Variants in SESN1 observed in about 807,000 individuals in gnomAD.
The protein encoded by SESN1 is sestrin-1.
In SESN1, 30 loss-of-function variants were observed where a neutral mutation model predicts 59.3. That is an observed-to-expected ratio of 0.51 (90% confidence interval 0.38 to 0.69). SESN1 has a LOEUF of 0.69. Ranked by LOEUF, SESN1 falls within the 30% of genes least tolerant of loss-of-function variation. SESN1 has a pLI of 0.00. For missense variants in SESN1, 566 were observed against 673.0 expected (o/e 0.84, Z 1.76); for synonymous variants, 197 against 219.9 (o/e 0.90, Z 0.92).
intron 1 of SESN1, among the ~76,000 whole-genome samples, chr6:109,040,724 C>G (rs1780326177): frequency 6.6e-6 from 1 of 150,882 alleles, no homozygotes; most frequent in African/African-American, 2.4e-5. Flanking sequence ...GCAATCTCAT[C>G]TCACTGCAAG....
At chr6:109,041,743 A>G (rs1367419083) in intron 1 of SESN1, among the ~76,000 whole-genome samples, 3 of 152,166 alleles carry the variant, frequency 2.0e-5, no homozygotes, top group Non-Finnish European at 4.4e-5. Context: ...ACAAATCCAT[A>G]ATTATAGCAG....
intron 1 of SESN1, among the ~76,000 whole-genome samples, chr6:109,008,485 CTTCAT>C (rs1290245481): frequency 5.3e-5 from 8 of 152,170 alleles, no homozygotes; most frequent in Non-Finnish European, 8.8e-5. Context: ...GACAAAGTGT[CTTCAT>C]TTAAGTTTCT....
chr6:109,061,004 T>C (rs1435297596), intron 1 of SESN1, among the ~76,000 whole-genome samples: 2 of 152,222 alleles, frequency 1.3e-5, no homozygotes, highest in Admixed American at 1.3e-4. Context: ...TACATGTATA[T>C]GAACCCTGAT....
intron 1 of SESN1, among the ~76,000 whole-genome samples, chr6:109,083,070 C>T (rs1313389024): frequency 6.6e-6 from 1 of 152,126 alleles, no homozygotes; most frequent in East Asian, 1.9e-4. Flanking sequence ...AGTTTATTCA[C>T]AGTTAAATTT....
rs112376627 is a variant in SESN1, at chr6:108,995,674, G to T, written c.973-1065C>A. ...CTCATGCCTGTAATCCCAGCATTTT[G>T]GGAGACCAAGGCAGGAGAATCACTT... On this transcript the variant is annotated intron_variant, in intron 5 of 9. Transcript: ENST00000436639. Among the ~76,000 whole-genome samples the T allele has an allele frequency of 4.4e-3, 672 of 152,236 alleles. 7 individuals carry two copies. The highest frequency in any genetic ancestry group is 0.015 in the African/African-American group (628 of 41,526).
chr6:109,071,397 T>C (rs115826745), intron 1 of SESN1, among the ~76,000 whole-genome samples: 2,428 of 151,448 alleles, frequency 0.016, 79 homozygotes, highest in African/African-American at 0.056. Context: ...ACAGGCACAA[T>C]GCTAAGTACC....
At chr6:109,026,322 C>T (rs1233553506) in intron 1 of SESN1, among the ~76,000 whole-genome samples, 1 of 152,020 alleles carries the variant, frequency 6.6e-6, no homozygotes, top group African/African-American at 2.4e-5. Context: ...GTGAAAAAGA[C>T]CAAAGAACAG....
intron 1 of SESN1, among the ~76,000 whole-genome samples, chr6:109,048,637 C>G (rs926974461): frequency 5.1e-4 from 78 of 152,238 alleles, no homozygotes; most frequent in African/African-American, 1.9e-3. Flanking sequence ...TAGATGGCCA[C>G]AAGTAGGAGA....
intron 1 of SESN1, among the ~76,000 whole-genome samples, chr6:109,006,566 G>A (rs1036056247): frequency 1.3e-5 from 2 of 151,862 alleles, no homozygotes; most frequent in Admixed American, 6.6e-5. Context: ...TGGTGGAGAC[G>A]GGGGCTGAAT....
At chr6:109,025,782 A>G (rs1439096271) in intron 1 of SESN1, among the ~76,000 whole-genome samples, 1 of 152,242 alleles carries the variant, frequency 6.6e-6, no homozygotes, top group East Asian at 1.9e-4. Flanking sequence ...TAGCACATAC[A>G]GCAAAGAAAT....
At chr6:109,035,213 C>G (rs1020460248) in intron 1 of SESN1, among the ~76,000 whole-genome samples, 10 of 152,088 alleles carry the variant, frequency 6.6e-5, no homozygotes, top group African/African-American at 2.4e-4. Context: ...CAAAAAAGAA[C>G]TGACCCCAAA....
chr6:109,000,494 A>T lies in SESN1; in HGVS notation c.726T>A (p.Ile242=), dbSNP rs1779592956. The T allele has an allele frequency of 6.4e-7, 1 of 1,561,976 alleles. No homozygotes were observed. Among genetic ancestry groups the T allele is most frequent in the Non-Finnish European group, 8.7e-7 (1 of 1,153,038 alleles). Residue 242 remains isoleucine (I), a synonymous_variant, in exon 4 of 10, where the codon ATT becomes ATA. Coordinates refer to ENST00000436639, the MANE Select transcript of SESN1 (RefSeq NM_014454.3). Reference sequence around the variant, plus strand: ...GATATATTACCCCACTGCTTACCTCAATGTGTTCTTTGGTAATAAGCCAAG... The same window carrying T: ...GATATATTACCCCACTGCTTACCTCTATGTGTTCTTTGGTAATAAGCCAAG... ...HRPWLITKEH[I]EGLLKAEEHS... is the part of the protein sequence containing the mutation.
intron 1 of SESN1, among the ~76,000 whole-genome samples, chr6:109,085,441 C>T (rs1380844351): frequency 6.6e-6 from 1 of 152,004 alleles, no homozygotes; most frequent in African/African-American, 2.4e-5. Flanking sequence ...ATGGCGTGAA[C>T]CCCGGAGGCG....
In SESN1 at chr6:108,992,638, A is replaced by C; in HGVS notation, c.1233+149T>G. ...CAGTATGATTCCATGGATGAATTAG[A>C]AACAGTCTTTCACCTTTTATTCTGA... On this transcript the variant is annotated intron_variant, in intron 7 of 9. Transcript: ENST00000436639. 1.4e-5 allele frequency: 9 copies of C among 651,306 alleles called. No homozygotes were observed. The South Asian group carries it at 1.6e-4, about 12-fold the overall frequency. 40.3% of individuals were successfully genotyped at this position (651,306 alleles called of 1,614,324 possible).
intron 1 of SESN1, among the ~76,000 whole-genome samples, chr6:109,060,946 T>A (rs1780721446): frequency 6.6e-6 from 1 of 152,188 alleles, no homozygotes; most frequent in Non-Finnish European, 1.5e-5. Context: ...AATCCTTGCA[T>A]CAGGACAGAC....
chr6:109,080,327 T>C lies in SESN1; in HGVS notation c.279+13468A>G, dbSNP rs183200688. On this transcript the variant is annotated intron_variant, in intron 1 of 9. Coordinates refer to ENST00000436639, the MANE Select transcript of SESN1 (RefSeq NM_014454.3). ...CTTGAGTCTATTGCTCATGGAAATA[T>C]ACCAAATTTTCTTTTAGGTAGTGCA... 9.8e-4 allele frequency among the ~76,000 whole-genome samples: 149 copies of C among 152,356 alleles called. 1 individual carries two copies. The highest frequency in any genetic ancestry group is 3.5e-3 in the African/African-American group (146 of 41,588).
At chr6:109,066,242 G>A (rs1412916359) in intron 1 of SESN1, among the ~76,000 whole-genome samples, 1 of 151,302 alleles carries the variant, frequency 6.6e-6, no homozygotes, top group Non-Finnish European at 1.5e-5. Flanking sequence ...AGCCTTTGCT[G>A]TAGCTTCCTC....
intron 1 of SESN1, among the ~76,000 whole-genome samples, chr6:109,048,457 C>T (rs1198958672): frequency 6.6e-6 from 1 of 152,116 alleles, no homozygotes; most frequent in Non-Finnish European, 1.5e-5. Context: ...TAGGAAATAC[C>T]AAGGCTGTGC....
intron 1 of SESN1, among the ~76,000 whole-genome samples, chr6:109,073,452 C>T (rs1780972456): frequency 6.6e-6 from 1 of 152,142 alleles, no homozygotes; most frequent in Non-Finnish European, 1.5e-5. Context: ...TTTTCCCCAA[C>T]CCCCCTTTAA....
Sources: gnomAD v4.1 joint callset for allele counts (sites outside exome capture counted in the v4.1 genomes callset) on GRCh38, gnomAD v4.1.1 for gene constraint, MANE v1.5 for transcripts, NCBI Gene and HGNC (gene_info 2026-07-23, HGNC 2026-07-21) for gene names.